DPP10: variants seen among roughly 807,000 people sequenced by gnomAD.
DPP10 encodes the protein dipeptidyl peptidase like 10.
A neutral mutation model predicts 120.9 loss-of-function variants in DPP10; 33 were observed. The ratio of observed to expected loss-of-function variants is 0.27; its 90% CI spans 0.21 to 0.37. The LOEUF (loss-of-function observed/expected upper bound fraction) is 0.37, where lower values mean the gene tolerates loss of function less well. DPP10 is among the 10% of genes least tolerant of loss of function. The probability of loss-of-function intolerance (pLI) is 1.00; values close to 1 mark genes in which losing one functional copy is unlikely to be tolerated. For missense variants in DPP10, 816 were observed against 942.8 expected, an observed-to-expected ratio of 0.87 and a Z score of 1.76; for synonymous variants, 337 against 326.1, an observed-to-expected ratio of 1.03 and a Z score of -0.36.
chr2:115,634,393 G>A (rs561178039), intron 5 of DPP10, among the ~76,000 whole-genome samples: 7 of 152,168 alleles, frequency 4.6e-5, no homozygotes, highest in African/African-American at 9.6e-5. Context: ...TTTTTGTGGG[G>A]ACTTTTTTGT....
At chr2:114,562,642 G>T (rs1285758963) in intron 1 of DPP10, among the ~76,000 whole-genome samples, 5 of 152,152 alleles carry the variant, frequency 3.3e-5, no homozygotes, top group African/African-American at 1.2e-4. Context: ...GTACAACATT[G>T]TAATAAATAG....
intron 1 of DPP10, among the ~76,000 whole-genome samples, chr2:114,926,724 A>G (rs1286538934): frequency 6.6e-6 from 1 of 152,200 alleles, no homozygotes; most frequent in Non-Finnish European, 1.5e-5. Context: ...TGGAGGAGAT[A>G]GGCAAACCCT....
chr2:114,876,493 G>A (rs775928506), intron 1 of DPP10, among the ~76,000 whole-genome samples: 16 of 151,954 alleles, frequency 1.1e-4, no homozygotes, highest in Non-Finnish European at 2.1e-4. Context: ...ACTAACTTGG[G>A]GATTTTGGAC....
intron 5 of DPP10, among the ~76,000 whole-genome samples, chr2:115,597,179 A>G (rs999649937): frequency 1.3e-5 from 2 of 152,134 alleles, no homozygotes; most frequent in Non-Finnish European, 2.9e-5. Context: ...AGTATACTTC[A>G]CTGTGAGGAC....
At chr2:115,680,084 T>C (rs769054225) in intron 5 of DPP10, among the ~76,000 whole-genome samples, 57 of 152,196 alleles carry the variant, frequency 3.7e-4, no homozygotes, top group Admixed American at 8.5e-4. Context: ...TATATACATG[T>C]ATAAAAATAT....
At position 114,683,571 on chromosome 2, in the gene DPP10, CCTCT is replaced by C. The variant is rs971553515; in HGVS notation, c.60+240742_60+240745del. ...CCCTCTCTCTCTCCCTCCCTCCCTCCCTCTCTCTCTCTTTTTCTTTTTTTCTTTC... is the reference window on the plus strand; with the variant it reads ...CCCTCTCTCTCTCCCTCCCTCCCTCCCTCTCTCTTTTTCTTTTTTTCTTTC... On this transcript the variant is annotated intron_variant, in intron 1 of 25. Transcript: ENST00000410059. Among the ~76,000 whole-genome samples the C allele has an allele frequency of 1.3e-4, 18 of 137,058 alleles. 1 individual carries two copies. Among genetic ancestry groups the C allele is most frequent in the Admixed American group, 6.2e-4 (8 of 12,922 alleles). The allele number at this position is 137,058 out of a possible 152,430, so 89.9% of individuals were successfully genotyped here.
chr2:115,675,105 A>C (rs900775992), intron 5 of DPP10, among the ~76,000 whole-genome samples: 2 of 152,180 alleles, frequency 1.3e-5, no homozygotes, highest in Non-Finnish European at 2.9e-5. Flanking sequence ...CATCTTTTAA[A>C]ATAAAAACAT....
At chr2:114,450,657 A>T (rs1213702615) in intron 1 of DPP10, among the ~76,000 whole-genome samples, 4 of 152,134 alleles carry the variant, frequency 2.6e-5, no homozygotes, top group Non-Finnish European at 2.9e-5. Context: ...ATTTGAAGGA[A>T]ATAACAAGGT....
intron 2 of DPP10, among the ~76,000 whole-genome samples, chr2:115,331,612 A>T (rs1203072878): frequency 2.6e-5 from 4 of 152,176 alleles, no homozygotes; most frequent in Non-Finnish European, 5.9e-5. Flanking sequence ...TACCGAATTT[A>T]TTGAGAGTTT....
chr2:115,734,727 T>C (rs1038982423), intron 8 of DPP10, among the ~76,000 whole-genome samples: 1 of 148,166 alleles, frequency 6.7e-6, no homozygotes, highest in African/African-American at 2.5e-5. Context: ...TGCATATATA[T>C]ACACACACAC....
rs71297186 is a variant in DPP10 at position 114,468,397 on chromosome 2, C to CAAAAAAAAAAAAA, written c.60+25571_60+25583dup. On this transcript the variant is annotated intron_variant, in intron 1 of 25. Transcript: ENST00000410059. ...GGATGACCTTGTCAGGCTTACAATG[C>CAAAAAAAAAAAAA]AAAAAAAAAAAAAAAAAAAAAAAAT... 1.2e-3 allele frequency among the ~76,000 whole-genome samples: 84 copies of CAAAAAAAAAAAAA among 69,534 alleles called. 2 individuals are homozygous for CAAAAAAAAAAAAA. The highest frequency in any genetic ancestry group is 4.0e-3 in the African/African-American group (75 of 18,824). 45.6% of individuals were successfully genotyped at this position (69,534 alleles called of 152,430 possible). A position where few individuals can be genotyped will look rare whatever the true frequency, so the allele number is the denominator to read the frequency against.
At chr2:114,669,966 T>C (rs1214614875) in intron 1 of DPP10, among the ~76,000 whole-genome samples, 1 of 151,948 alleles carries the variant, frequency 6.6e-6, no homozygotes, top group Admixed American at 6.6e-5. Context: ...AAAACCACAA[T>C]GAGATACCAT....
intron 1 of DPP10, among the ~76,000 whole-genome samples, chr2:115,150,770 C>T (rs2051496038): frequency 2.0e-5 from 3 of 152,128 alleles, no homozygotes; most frequent in Middle Eastern, 3.4e-3. Context: ...TTGGTATGTT[C>T]GTAAGCATAA....
At chr2:115,110,265 G>A (rs2049149189) in intron 1 of DPP10, among the ~76,000 whole-genome samples, 1 of 152,128 alleles carries the variant, frequency 6.6e-6, no homozygotes, top group African/African-American at 2.4e-5. Flanking sequence ...AAAAATCAGA[G>A]CTTTTGTACC....
At chr2:115,786,934 AGT>A (rs1441978103) in intron 17 of DPP10, among the ~76,000 whole-genome samples, 1 of 152,180 alleles carries the variant, frequency 6.6e-6, no homozygotes, top group Non-Finnish European at 1.5e-5. Context: ...ATGCTTCATG[AGT>A]GTGGGCAATG....
At chr2:115,562,627 A>G (rs1026067295) in intron 5 of DPP10, among the ~76,000 whole-genome samples, 2 of 152,176 alleles carry the variant, frequency 1.3e-5, no homozygotes, top group Non-Finnish European at 2.9e-5. Context: ...AAACAACCTT[A>G]ACTATTTTAC....
chr2:115,432,031 G>A (rs576365625), intron 3 of DPP10, among the ~76,000 whole-genome samples: 7 of 152,188 alleles, frequency 4.6e-5, no homozygotes, highest in South Asian at 4.1e-4. Flanking sequence ...ATTAAACATC[G>A]TAAGTTAAGC....
Position 115,712,305 on chromosome 2 carries a change from A to G in DPP10, c.577-15511A>G, listed in dbSNP as rs963055870. Among the ~76,000 whole-genome samples the G allele has an allele frequency of 2.0e-5, 3 of 150,234 alleles. No individual in the cohort carries two copies. The Admixed American group carries it at 2.0e-4, about 10-fold the overall frequency. On this transcript the variant is annotated intron_variant, in intron 7 of 25. Transcript: ENST00000410059. ...AGGTTCACACTCCTATGAGAACCTC[A>G]TGCCACCACTGATCTGACAGGAGGC...
intron 1 of DPP10, among the ~76,000 whole-genome samples, chr2:114,682,841 T>G (rs1699119815): frequency 1.3e-5 from 2 of 151,624 alleles, no homozygotes; most frequent in Admixed American, 6.6e-5. Flanking sequence ...TAGATATAGA[T>G]TTAATATCTC....
Sources: gnomAD v4.1 joint callset for allele counts (sites outside exome capture counted in the v4.1 genomes callset) on GRCh38, gnomAD v4.1.1 for gene constraint, MANE v1.5 for transcripts, NCBI Gene and HGNC (gene_info 2026-07-23, HGNC 2026-07-21) for gene names.